Variants in SLC9A9 observed in about 807,000 individuals in gnomAD.
SLC9A9 encodes the protein solute carrier family 9 member A9.
In SLC9A9, 62 loss-of-function variants were observed where a neutral mutation model predicts 77.8. That is an observed-to-expected ratio of 0.80 (90% CI 0.65 to 0.98). The LOEUF (loss-of-function observed/expected upper bound fraction) is 0.98, where lower values mean the gene tolerates loss of function less well. Among genes scored for constraint, SLC9A9 ranks in the 50% least tolerant of loss-of-function variants. The pLI is 0.00. For missense variants in SLC9A9, 775 were observed against 774.9 expected (o/e 1.00, Z 0.00); for synonymous variants, 320 against 283.5 (o/e 1.13, Z -1.29).
intron 9 of SLC9A9, among the ~76,000 whole-genome samples, chr3:143,544,040 T>C: frequency 8.9e-6 from 1 of 112,746 alleles, no homozygotes; most frequent in South Asian, 2.8e-4. Flanking sequence ...CTCACTAGCA[T>C]CTGCTTTTTT....
chr3:143,775,145 G>C (rs1307022332), intron 4 of SLC9A9, among the ~76,000 whole-genome samples: 1 of 152,154 alleles, frequency 6.6e-6, no homozygotes, highest in East Asian at 1.9e-4. Flanking sequence ...GAATATGCAA[G>C]TATCAGTAGA....
At chr3:143,405,069 G>C (rs893785504) in intron 12 of SLC9A9, among the ~76,000 whole-genome samples, 2 of 152,132 alleles carry the variant, frequency 1.3e-5, no homozygotes, top group East Asian at 3.9e-4. Flanking sequence ...GGCATCCAAG[G>C]GGGTGTAACC....
chr3:143,595,840 T>C (rs1419633737), intron 6 of SLC9A9, among the ~76,000 whole-genome samples: 2 of 152,196 alleles, frequency 1.3e-5, no homozygotes, highest in African/African-American at 2.4e-5. Context: ...GCTTGGTTAG[T>C]TTAAATGAGG....
chr3:143,331,981 G>A (rs912568478), intron 14 of SLC9A9, among the ~76,000 whole-genome samples: 10 of 152,148 alleles, frequency 6.6e-5, no homozygotes, highest in African/African-American at 1.4e-4. Context: ...AGAAGGACAA[G>A]GTCATTCCAG....
In SLC9A9 at chr3:143,343,829, G is replaced by A. The variant is rs144458970; in HGVS notation, c.1604+19655C>T. On this transcript the variant is annotated intron_variant, in intron 14 of 15. Transcript: ENST00000316549. ...GCTCTTGAGACCTCAACAATGTACT[G>A]AGCTGACTACCTCAGCAATATTCTA... 3.3e-3 allele frequency among the ~76,000 whole-genome samples: 506 copies of A among 152,230 alleles called. 1 individual carries two copies. The highest frequency in any genetic ancestry group is 0.014 in the Middle Eastern group (4 of 294).
At chr3:143,475,940 A>G (rs2035469539) in intron 11 of SLC9A9, among the ~76,000 whole-genome samples, 1 of 148,828 alleles carries the variant, frequency 6.7e-6, no homozygotes, top group South Asian at 2.1e-4. Flanking sequence ...CATTTGGGAC[A>G]TAATCCATTG....
chr3:143,702,897 A>G (rs1461280915), intron 4 of SLC9A9, among the ~76,000 whole-genome samples: 1 of 152,176 alleles, frequency 6.6e-6, no homozygotes, highest in African/African-American at 2.4e-5. Context: ...TTCCATGTCA[A>G]TGGAAACCAA....
intron 11 of SLC9A9, among the ~76,000 whole-genome samples, chr3:143,476,014 C>A (rs559681499): frequency 6.6e-6 from 1 of 151,470 alleles, no homozygotes; most frequent in African/African-American, 2.4e-5. Context: ...AGATTTAATA[C>A]AGTCTTATTA....
intron 6 of SLC9A9, among the ~76,000 whole-genome samples, chr3:143,584,724 C>T (rs2037513518): frequency 1.3e-5 from 2 of 152,194 alleles, no homozygotes; most frequent in South Asian, 4.1e-4. Context: ...TATATCAAAT[C>T]CCCCTTTGTG....
chr3:143,506,887 G>A (rs2036028800), intron 9 of SLC9A9, among the ~76,000 whole-genome samples: 1 of 152,008 alleles, frequency 6.6e-6, no homozygotes, highest in African/African-American at 2.4e-5. Flanking sequence ...TATTTTCTGT[G>A]CAGAAATTAA....
intron 6 of SLC9A9, among the ~76,000 whole-genome samples, chr3:143,606,434 C>CTATATATATATA (rs1427549304): frequency 7.9e-3 from 416 of 52,854 alleles, no homozygotes; most frequent in Middle Eastern, 0.013. Flanking sequence ...CTCTCTCTCT[C>CTATATATATATA]TCTATATATA....
At chr3:143,681,640 T>G (rs1408950962) in intron 5 of SLC9A9, among the ~76,000 whole-genome samples, 1 of 152,258 alleles carries the variant, frequency 6.6e-6, no homozygotes, top group East Asian at 1.9e-4. Flanking sequence ...ATAAGGTTGT[T>G]CAAATTATAT....
At chr3:143,360,010 A>G (rs75063619) in intron 14 of SLC9A9, among the ~76,000 whole-genome samples, 6,878 of 151,426 alleles carry the variant, frequency 0.045, 342 homozygotes, top group African/African-American at 0.13. Flanking sequence ...TTGAATGGTG[A>G]CTTTGTGAAC....
Position 143,758,413 on chromosome 3 carries a change from T to C in SLC9A9, c.533+36588A>G, listed in dbSNP as rs546221673. Among the ~76,000 whole-genome samples, 10 of 152,300 alleles carry C rather than the reference T, an allele frequency of 6.6e-5. No homozygotes were observed. The East Asian group carries it at 1.9e-3, about 29-fold the overall frequency. On this transcript the variant is annotated intron_variant, in intron 4 of 15. Transcript: ENST00000316549. Reference sequence around the variant, plus strand: ...CAAAATTGGGCTTTTCTTGTTTTCTTTTTTTGCATGGAGAGTTCTTGCTAC... The same window carrying C: ...CAAAATTGGGCTTTTCTTGTTTTCTCTTTTTGCATGGAGAGTTCTTGCTAC...
At chr3:143,722,472 C>CAAAAAAAAAAA (rs60995925) in intron 4 of SLC9A9, among the ~76,000 whole-genome samples, 3 of 58,342 alleles carry the variant, frequency 5.1e-5, no homozygotes, top group African/African-American at 1.4e-4. Context: ...GACTCCATCT[C>CAAAAAAAAAAA]AAAAAAAAAA....
At chr3:143,789,996 T>C (rs554019038) in intron 4 of SLC9A9, among the ~76,000 whole-genome samples, 51 of 152,310 alleles carry the variant, frequency 3.3e-4, no homozygotes, top group Admixed American at 1.9e-3. Context: ...TGTTGAATAG[T>C]AATCTGAATT....
chr3:143,402,692 T>C (rs1249039242), intron 12 of SLC9A9, among the ~76,000 whole-genome samples: 2 of 151,962 alleles, frequency 1.3e-5, no homozygotes, highest in Non-Finnish European at 2.9e-5. Context: ...TGGTTATTGT[T>C]TGCATGGTGT....
At chr3:143,671,360 A>T (rs2039151221) in intron 5 of SLC9A9, among the ~76,000 whole-genome samples, 1 of 152,206 alleles carries the variant, frequency 6.6e-6, no homozygotes, top group Non-Finnish European at 1.5e-5. Flanking sequence ...AACACAGTCT[A>T]GAAATCTAAG....
chr3:143,269,541 C>CTGTT (rs2108396238), intron 14 of SLC9A9, among the ~76,000 whole-genome samples: 1 of 152,252 alleles, frequency 6.6e-6, no homozygotes, highest in African/African-American at 2.4e-5. Flanking sequence ...TGGGTTTATT[C>CTGTT]TGTTGTCTAG....
Sources: allele counts gnomAD v4.1 joint callset (sites outside exome capture counted in the v4.1 genomes callset), GRCh38; gene constraint gnomAD v4.1.1; transcripts MANE v1.5; gene names NCBI Gene and HGNC (gene_info 2026-07-23, HGNC 2026-07-21).